Variants in DPP10 observed in about 807,000 individuals in gnomAD.
DPP10 encodes the protein inactive dipeptidyl peptidase 10.
DPP10 carries 33 observed loss-of-function variants against 120.9 expected under a neutral mutation model. That is an observed-to-expected ratio of 0.27 (90% CI 0.21 to 0.37). DPP10 has a LOEUF of 0.37. Among genes scored for constraint, DPP10 ranks in the 10% least tolerant of loss-of-function variants. The pLI is 1.00. For missense variants in DPP10, 816 were observed against 942.8 expected (o/e 0.87, Z 1.76); for synonymous variants, 337 against 326.1 (o/e 1.03, Z -0.36).
At chr2:114,961,113 G>A (rs1019802215) in intron 1 of DPP10, among the ~76,000 whole-genome samples, 6 of 123,084 alleles carry the variant, frequency 4.9e-5, no homozygotes, top group East Asian at 2.6e-4. Context: ...GTGCAATGGC[G>A]TGATCTCAGC....
chr2:115,599,190 CT>C (rs879258302), intron 5 of DPP10, among the ~76,000 whole-genome samples: 6 of 152,064 alleles, frequency 3.9e-5, no homozygotes, highest in Non-Finnish European at 7.4e-5. Flanking sequence ...ATTTGCTCAA[CT>C]ATTAAATTTA....
At chr2:115,735,776 G>T (rs1021011536) in intron 8 of DPP10, among the ~76,000 whole-genome samples, 1 of 134,722 alleles carries the variant, frequency 7.4e-6, no homozygotes, top group Admixed American at 8.4e-5. Context: ...CAGGTGATCC[G>T]CCCACCTCGG....
intron 1 of DPP10, among the ~76,000 whole-genome samples, chr2:114,685,271 C>T (rs192717314): frequency 4.7e-4 from 72 of 152,026 alleles, no homozygotes; most frequent in Admixed American, 1.8e-3. Flanking sequence ...ATGAGAAAAA[C>T]AACAACAAAC....
At chr2:115,382,898 G>T (rs560323501) in intron 3 of DPP10, among the ~76,000 whole-genome samples, 28 of 152,180 alleles carry the variant, frequency 1.8e-4, no homozygotes, top group Non-Finnish European at 4.0e-4. Context: ...TGGGGCAGGA[G>T]GGAAGTCAGA....
chr2:114,782,396 G>T (rs955623221), intron 1 of DPP10, among the ~76,000 whole-genome samples: 4 of 151,556 alleles, frequency 2.6e-5, no homozygotes, highest in African/African-American at 9.7e-5. Flanking sequence ...CAATTTACTT[G>T]ATTTACATTT....
chr2:115,101,922 C>A (rs1358322053), intron 1 of DPP10, among the ~76,000 whole-genome samples: 1 of 152,128 alleles, frequency 6.6e-6, no homozygotes, highest in Non-Finnish European at 1.5e-5. Flanking sequence ...ACCAATTCTG[C>A]AAATTAGTTA....
chr2:114,508,117 C>T (rs940393490), intron 1 of DPP10, among the ~76,000 whole-genome samples: 6 of 151,922 alleles, frequency 3.9e-5, no homozygotes, highest in Non-Finnish European at 7.4e-5. Context: ...AATTTACATA[C>T]AATAACATGT....
intron 1 of DPP10, among the ~76,000 whole-genome samples, chr2:114,952,888 A>G (rs1697902550): frequency 1.3e-5 from 2 of 152,164 alleles, no homozygotes; most frequent in Non-Finnish European, 2.9e-5. Context: ...CAGAGAATTA[A>G]AGGATAGAAG....
At chr2:115,316,930 A>T (rs924654092) in intron 2 of DPP10, among the ~76,000 whole-genome samples, 22 of 152,232 alleles carry the variant, frequency 1.4e-4, no homozygotes, top group Non-Finnish European at 2.1e-4. Context: ...CCACATAGTG[A>T]GACCCCATCG....
At chr2:114,887,825 C>G (rs919760834) in intron 1 of DPP10, among the ~76,000 whole-genome samples, 1 of 152,150 alleles carries the variant, frequency 6.6e-6, no homozygotes, top group African/African-American at 2.4e-5. Flanking sequence ...TACCATATGA[C>G]TCTGTTCTCT....
rs1280878608 is a variant in DPP10 at position 115,759,513 on chromosome 2, C to T, written c.1075-3059C>T. On this transcript the variant is annotated intron_variant, in intron 11 of 25. Coordinates refer to ENST00000410059, the MANE Select transcript of DPP10 (RefSeq NM_020868.6). ...CTACACTAAAATAACAAAAAACTGA[C>T]AACATTAACTGTTAAAGAGGACGTG... 2.6e-5 allele frequency among the ~76,000 whole-genome samples: 4 copies of T among 151,880 alleles called. No homozygotes were observed. In the South Asian group the frequency reaches 8.3e-4, roughly 32 times the overall value.
At chr2:114,752,345 C>T (rs752428168) in intron 1 of DPP10, among the ~76,000 whole-genome samples, 1 of 152,124 alleles carries the variant, frequency 6.6e-6, no homozygotes, top group African/African-American at 2.4e-5. Flanking sequence ...AGTTGAAGAA[C>T]GTCTCCCAAC....
At chr2:114,671,156 G>T (rs747224220) in intron 1 of DPP10, among the ~76,000 whole-genome samples, 1 of 152,150 alleles carries the variant, frequency 6.6e-6, no homozygotes, top group Non-Finnish European at 1.5e-5. Context: ...ATAACTTTCA[G>T]TTGGGAAGAA....
rs760050149 is a variant in DPP10 at position 114,783,557 on chromosome 2, C to T, written c.60+340719C>T. On this transcript the variant is annotated intron_variant, in intron 1 of 25. Transcript: ENST00000410059. ...TGTAACTTAAACTGTTTCCCATCTG[C>T]CTGGCATGGTGGCGCACATCTGTAA... Among the ~76,000 whole-genome samples the T allele has an allele frequency of 2.0e-4, 30 of 152,118 alleles. 1 individual carries two copies. The highest frequency in any genetic ancestry group is 3.5e-4 in the Non-Finnish European group (24 of 68,014).
At chr2:115,309,725 C>A (rs528804612) in intron 2 of DPP10, among the ~76,000 whole-genome samples, 2 of 151,988 alleles carry the variant, frequency 1.3e-5, no homozygotes, top group South Asian at 4.2e-4. Context: ...TAGATGATAA[C>A]CCAACTGTAT....
At chr2:115,230,637 T>C (rs2105483575) in intron 1 of DPP10, among the ~76,000 whole-genome samples, 1 of 152,208 alleles carries the variant, frequency 6.6e-6, no homozygotes, top group East Asian at 1.9e-4. Context: ...TTGTAATAAG[T>C]ATTGCATTTA....
rs188788718 is a variant in DPP10 at position 115,842,137 on chromosome 2, G to A, written c.2257-74G>A. 429 of 1,451,430 alleles carry A rather than the reference G, an allele frequency of 3.0e-4. 1 individual carries two copies. In the African/African-American group the frequency reaches 5.7e-3, roughly 19 times the overall value. The allele number at this position is 1,451,430 out of a possible 1,614,324, so 89.9% of individuals were successfully genotyped here. On this transcript the variant is annotated intron_variant, in intron 25 of 25. Coordinates refer to ENST00000410059, the MANE Select transcript of DPP10 (RefSeq NM_020868.6). ...ATTACTCAAAGTTTCCATGACGTTA[G>A]GGCTCAGAAAATGAATGCGAGAGAC...
At chr2:114,901,689 G>C (rs1055032426) in intron 1 of DPP10, among the ~76,000 whole-genome samples, 5 of 152,184 alleles carry the variant, frequency 3.3e-5, no homozygotes, top group African/African-American at 1.2e-4. Flanking sequence ...ACACATTCCT[G>C]ACTAAAGAAT....
At chr2:114,678,383 TG>T (rs1274697412) in intron 1 of DPP10, among the ~76,000 whole-genome samples, 3 of 152,074 alleles carry the variant, frequency 2.0e-5, no homozygotes, top group African/African-American at 7.2e-5. Context: ...TAGGAGTTTT[TG>T]TTCTGTGGGA....
Sources: allele counts gnomAD v4.1 joint callset (sites outside exome capture counted in the v4.1 genomes callset), GRCh38; gene constraint gnomAD v4.1.1; transcripts MANE v1.5; gene names NCBI Gene and HGNC (gene_info 2026-07-23, HGNC 2026-07-21).